The following OTUD7A variants were observed in gnomAD, a reference collection of about 807,000 sequenced individuals.
The protein encoded by OTUD7A is OTU deubiquitinase 7A, also known as OTU domain-containing protein 7A.
OTUD7A carries 12 observed loss-of-function variants against 65.7 expected under a neutral mutation model. The ratio of observed to expected loss-of-function variants is 0.18; its 90% CI spans 0.12 to 0.30. The LOEUF (loss-of-function observed/expected upper bound fraction) is 0.30. OTUD7A is among the 10% of genes least tolerant of loss of function. The pLI, the probability that OTUD7A is intolerant of heterozygous loss-of-function variation, is 1.00. For synonymous variants in OTUD7A, 641 were observed against 586.3 expected, an observed-to-expected ratio of 1.09 and a Z score of -1.35; for missense variants, 1,148 against 1,304.8, an observed-to-expected ratio of 0.88 and a Z score of 1.85.
In OTUD7A at chr15:31,635,752, G is replaced by T. The variant is rs553644064; in HGVS notation, c.151+19344C>A. On this transcript the variant is annotated intron_variant, in intron 3 of 12. Coordinates refer to ENST00000307050, the MANE Select transcript of OTUD7A (RefSeq NM_001382637.1). ...CATGTGAAACCCACAAGCAAGTGAA[G>T]ATCTGAAAACTGTCTTGTTAATTCA... Among the ~76,000 whole-genome samples, 214 of 152,376 alleles carry T rather than the reference G, an allele frequency of 1.4e-3. 1 individual carries two copies. The highest frequency in any genetic ancestry group is 3.4e-3 in the Middle Eastern group (1 of 294).
intron 1 of OTUD7A, among the ~76,000 whole-genome samples, chr15:31,841,795 T>G (rs1897188807): frequency 6.6e-6 from 1 of 152,156 alleles, no homozygotes. Context: ...TTATTCTAGC[T>G]TCTACCTGCT....
intron 5 of OTUD7A, chr15:31,557,268 A>G (rs1319011189): frequency 6.6e-6 from 1 of 152,238 alleles, no homozygotes; most frequent in East Asian, 1.9e-4. Context: ...AAACAATGAC[A>G]AGCAATGGCA....
chr15:31,614,013 GATTGGAGACT>G (rs1167073029), intron 3 of OTUD7A, among the ~76,000 whole-genome samples: 2 of 152,158 alleles, frequency 1.3e-5, no homozygotes, highest in Admixed American at 1.3e-4. Context: ...ACCTGGATAA[GATTGGAGACT>G]ATTACTCTAA....
intron 3 of OTUD7A, among the ~76,000 whole-genome samples, chr15:31,575,835 G>A (rs1181442638): frequency 6.6e-6 from 1 of 152,210 alleles, no homozygotes; most frequent in Non-Finnish European, 1.5e-5. Flanking sequence ...CAGAGAGCTG[G>A]ACATAGTCCG....
At chr15:31,486,138 T>C (rs2041233673) in intron 12 of OTUD7A, among the ~76,000 whole-genome samples, 1 of 152,130 alleles carries the variant, frequency 6.6e-6, no homozygotes, top group Non-Finnish European at 1.5e-5. Flanking sequence ...GGCCTGGCAA[T>C]TGCAGGCAGA....
intron 1 of OTUD7A, among the ~76,000 whole-genome samples, chr15:31,840,375 T>C (rs907324524): frequency 6.6e-6 from 1 of 150,472 alleles, no homozygotes; most frequent in African/African-American, 2.5e-5. Context: ...GAGGTGGAGG[T>C]TGCACTGAGC....
At chr15:31,803,753 G>A (rs1223131572) in intron 1 of OTUD7A, among the ~76,000 whole-genome samples, 4 of 152,206 alleles carry the variant, frequency 2.6e-5, no homozygotes, top group African/African-American at 2.4e-5. Context: ...GACCATCTGA[G>A]AGCAACGCTT....
chr15:31,539,984 T>C (rs921320974), intron 5 of OTUD7A, among the ~76,000 whole-genome samples: 2 of 152,248 alleles, frequency 1.3e-5, no homozygotes, highest in African/African-American at 4.8e-5. Context: ...TTAACTCATT[T>C]GTCTCGATTA....
chr15:31,638,114 A>G (rs1018739029), intron 3 of OTUD7A, among the ~76,000 whole-genome samples: 2 of 152,154 alleles, frequency 1.3e-5, no homozygotes, highest in African/African-American at 4.8e-5. Context: ...GGAAGAGTCA[A>G]TTAAATGCAT....
intron 5 of OTUD7A, among the ~76,000 whole-genome samples, chr15:31,541,235 G>A (rs554788402): frequency 3.3e-5 from 5 of 152,166 alleles, no homozygotes; most frequent in African/African-American, 4.8e-5. Context: ...GTAGATCTTC[G>A]GGAAAAGGAA....
chr15:31,649,998 T>A (rs1210922373), intron 3 of OTUD7A, among the ~76,000 whole-genome samples: 1 of 130,822 alleles, frequency 7.6e-6, no homozygotes, highest in Non-Finnish European at 1.5e-5. Context: ...AGGAAAGGGG[T>A]CTCTACCGTT....
At chr15:31,591,076 T>A (rs995296912) in intron 3 of OTUD7A, among the ~76,000 whole-genome samples, 13 of 152,060 alleles carry the variant, frequency 8.5e-5, no homozygotes, top group Admixed American at 4.6e-4. Flanking sequence ...GGCTGACACA[T>A]CCTGCTATTT....
Position 31,684,729 on chromosome 15 carries a change from C to G in OTUD7A, c.-99-27652G>C, listed in dbSNP as rs1892797020. ...AGAGTCAGAGAGAGCCTGAGCAAGA[C>G]AGAAGTCGCAGTGTTTGTATCCTGG... On this transcript the variant is annotated intron_variant, in intron 1 of 12. Coordinates refer to ENST00000307050, the MANE Select transcript of OTUD7A (RefSeq NM_001382637.1). Among the ~76,000 whole-genome samples, 3 of 148,378 alleles carry G rather than the reference C, an allele frequency of 2.0e-5. No homozygotes were observed. In the South Asian group the frequency reaches 7.0e-4, roughly 35 times the overall value.
At chr15:31,815,088 C>T (rs772601571) in intron 1 of OTUD7A, among the ~76,000 whole-genome samples, 6 of 152,134 alleles carry the variant, frequency 3.9e-5, no homozygotes, top group African/African-American at 1.4e-4. Flanking sequence ...TGTCTCTGAA[C>T]AGAGGCACAC....
intron 3 of OTUD7A, among the ~76,000 whole-genome samples, chr15:31,648,849 C>G (rs1396165232): frequency 6.6e-6 from 1 of 152,196 alleles, no homozygotes; most frequent in Non-Finnish European, 1.5e-5. Flanking sequence ...CAACCTCCGC[C>G]TCCTGGGTTT....
chr15:31,850,258 T>A (rs888264448), intron 1 of OTUD7A, among the ~76,000 whole-genome samples: 2 of 152,160 alleles, frequency 1.3e-5, no homozygotes, highest in African/African-American at 2.4e-5. Flanking sequence ...ATGTTCTTTG[T>A]AGGGACACAG....
At chr15:31,817,579 C>T (rs1222287114) in intron 1 of OTUD7A, among the ~76,000 whole-genome samples, 1 of 152,074 alleles carries the variant, frequency 6.6e-6, no homozygotes, top group African/African-American at 2.4e-5. Context: ...CTGTGGGCTC[C>T]GAAAGTCAGG....
intron 1 of OTUD7A, among the ~76,000 whole-genome samples, chr15:31,807,814 A>G (rs929182232): frequency 6.6e-6 from 1 of 151,778 alleles, no homozygotes; most frequent in African/African-American, 2.4e-5. Flanking sequence ...CAACCCCCCA[A>G]AAAAACCCAC....
chr15:31,571,193 A>G (rs1177329074), intron 3 of OTUD7A, among the ~76,000 whole-genome samples: 2 of 152,174 alleles, frequency 1.3e-5, no homozygotes, highest in Non-Finnish European at 2.9e-5. Flanking sequence ...TACAACTATT[A>G]TGTATCCATA....
Sources: gnomAD v4.1 joint callset for allele counts (sites outside exome capture counted in the v4.1 genomes callset) on GRCh38, gnomAD v4.1.1 for gene constraint, MANE v1.5 for transcripts, NCBI Gene and HGNC (gene_info 2026-07-23, HGNC 2026-07-21) for gene names.